Variants in EYA1 observed in about 807,000 individuals in gnomAD.
EYA1 encodes the protein protein phosphatase EYA1.
EYA1 carries 16 observed loss-of-function variants against 82.0 expected under a neutral mutation model. The observed-to-expected ratio is 0.20, with a 90% CI of 0.13 to 0.30. EYA1 has a LOEUF of 0.30. Among genes scored for constraint, EYA1 ranks in the 10% least tolerant of loss-of-function variants. The pLI, the probability that EYA1 is intolerant of heterozygous loss-of-function variation, is 1.00. For missense variants in EYA1, 633 were observed against 730.7 expected, an observed-to-expected ratio of 0.87 and a Z score of 1.54; for synonymous variants, 261 against 264.4, an observed-to-expected ratio of 0.99 and a Z score of 0.12.
chr8:71,297,322 T>C (rs1448871458), intron 9 of EYA1, among the ~76,000 whole-genome samples: 1 of 152,136 alleles, frequency 6.6e-6, no homozygotes, highest in Non-Finnish European at 1.5e-5. Flanking sequence ...CTTAGAACAA[T>C]GTCTGGTTTC....
Position 71,197,662 on chromosome 8 carries a change from T to C in EYA1, c.*1678A>G, listed in dbSNP as rs1433791847. The C allele has an allele frequency of 6.6e-6, 1 of 152,642 alleles. No individual in the cohort carries two copies. Among genetic ancestry groups the C allele is most frequent in the African/African-American group, 2.4e-5 (1 of 41,458 alleles). 9.5% of individuals were successfully genotyped at this position (152,642 alleles called of 1,614,324 possible). On this transcript the variant is annotated 3_prime_UTR_variant, in exon 18 of 18. Transcript: ENST00000340726. ...AATTCAATTGTGAATTTAAACAATT[T>C]GGATAATTCACAAATGACTATTTCT... is the stretch of plus-strand genomic sequence containing the variant.
At chr8:71,284,366 A>G (rs1438640368) in intron 9 of EYA1, among the ~76,000 whole-genome samples, 3 of 152,250 alleles carry the variant, frequency 2.0e-5, no homozygotes, top group East Asian at 1.9e-4. Flanking sequence ...CTTACAGGGC[A>G]TAACACAGAA....
chr8:71,383,202 C>A (rs1828806161), intron 2 of EYA1, among the ~76,000 whole-genome samples: 1 of 151,984 alleles, frequency 6.6e-6, no homozygotes, highest in African/African-American at 2.4e-5. Context: ...TAAACTCTGG[C>A]AATTCCAAAT....
intron 2 of EYA1, among the ~76,000 whole-genome samples, chr8:71,395,552 T>C (rs999108997): frequency 1.7e-4 from 26 of 152,230 alleles, no homozygotes; most frequent in African/African-American, 6.0e-4. Flanking sequence ...GAGATAATCA[T>C]GTGGTTTTTG....
intron 4 of EYA1, among the ~76,000 whole-genome samples, chr8:71,323,293 A>T (rs1464911200): frequency 6.6e-6 from 1 of 152,114 alleles, no homozygotes; most frequent in Non-Finnish European, 1.5e-5. Context: ...TTATTATAAG[A>T]TGTAATGTTT....
chr8:71,470,760 T>A, intron 2 of EYA1: 1 of 401,364 alleles, frequency 2.5e-6, no homozygotes, highest in African/African-American at 2.1e-5. Context: ...ACCGTAATGA[T>A]ATAACAGACT....
chr8:71,210,994 C>T (rs1808435614), intron 17 of EYA1, among the ~76,000 whole-genome samples, 162 bp downstream of exon 17: 1 of 152,250 alleles, frequency 6.6e-6, no homozygotes, highest in Admixed American at 6.5e-5. Context: ...AGAAAGATCA[C>T]TCCATATTTA....
chr8:71,376,242 C>G (rs143306335), intron 2 of EYA1, among the ~76,000 whole-genome samples: 4 of 151,880 alleles, frequency 2.6e-5, no homozygotes, highest in African/African-American at 9.7e-5. Flanking sequence ...ACAGCAAGTT[C>G]AAAGGGAGAA....
intron 2 of EYA1, among the ~76,000 whole-genome samples, chr8:71,356,134 A>G (rs1330038502): frequency 6.6e-6 from 1 of 152,190 alleles, no homozygotes; most frequent in African/African-American, 2.4e-5. Context: ...GAACCATTTT[A>G]CTTCTAAAGT....
At chr8:71,243,745 A>G (rs1326372097) in intron 12 of EYA1, among the ~76,000 whole-genome samples, 1 of 152,222 alleles carries the variant, frequency 6.6e-6, no homozygotes, top group Non-Finnish European at 1.5e-5. Flanking sequence ...ATCAGGAAAT[A>G]TTTAAAGGCC....
intron 3 of EYA1, among the ~76,000 whole-genome samples, chr8:71,346,180 A>G (rs753686346): frequency 1.3e-5 from 2 of 151,978 alleles, no homozygotes; most frequent in Non-Finnish European, 2.9e-5. Flanking sequence ...ACAATCCACA[A>G]TCACTTCAGT....
intron 2 of EYA1, among the ~76,000 whole-genome samples, chr8:71,490,516 G>A (rs2129223914): frequency 6.6e-6 from 1 of 152,086 alleles, no homozygotes; most frequent in African/African-American, 2.4e-5. Flanking sequence ...CAGATATAAA[G>A]ATATAAATGC....
chr8:71,399,780 A>C (rs1013010796), intron 2 of EYA1, among the ~76,000 whole-genome samples: 2 of 152,208 alleles, frequency 1.3e-5, no homozygotes, highest in Non-Finnish European at 2.9e-5. Context: ...AATGCTTCAC[A>C]GGATCAGAAA....
At chr8:71,421,402 A>G (rs937843038) in intron 2 of EYA1, among the ~76,000 whole-genome samples, 1 of 152,176 alleles carries the variant, frequency 6.6e-6, no homozygotes. Flanking sequence ...TGATTCGCTC[A>G]AGGCCATCCA....
intron 11 of EYA1, among the ~76,000 whole-genome samples, chr8:71,245,384 G>A (rs950874751): frequency 1.3e-5 from 2 of 151,792 alleles, no homozygotes; most frequent in African/African-American, 2.4e-5. Flanking sequence ...GCACCAACAC[G>A]ACCAGCTAAT....
intron 2 of EYA1, among the ~76,000 whole-genome samples, chr8:71,528,472 C>A (rs1414313818): frequency 6.6e-6 from 1 of 152,184 alleles, no homozygotes; most frequent in Non-Finnish European, 1.5e-5. Context: ...ACTTTGACGT[C>A]CAGTCTTTTT....
At chr8:71,206,904 C>CA (rs932669819) in intron 17 of EYA1, among the ~76,000 whole-genome samples, 4 of 150,362 alleles carry the variant, frequency 2.7e-5, no homozygotes, top group Non-Finnish European at 5.9e-5. Flanking sequence ...TACAGGCACC[C>CA]ACCACCACGC....
chr8:71,207,232 G>A (rs781474090), intron 17 of EYA1, among the ~76,000 whole-genome samples: 13 of 152,096 alleles, frequency 8.5e-5, no homozygotes, highest in Non-Finnish European at 1.6e-4. Context: ...CTACTTCTGT[G>A]CAGCACTCCA....
At chr8:71,233,102 C>T (rs1324098872) in intron 12 of EYA1, among the ~76,000 whole-genome samples, 2 of 152,258 alleles carry the variant, frequency 1.3e-5, no homozygotes, top group East Asian at 3.9e-4. Context: ...CAACACTGGG[C>T]TTTGAGTCAG....
Sources: gnomAD v4.1 joint callset for allele counts (sites outside exome capture counted in the v4.1 genomes callset) on GRCh38, gnomAD v4.1.1 for gene constraint, MANE v1.5 for transcripts, NCBI Gene and HGNC (gene_info 2026-07-23, HGNC 2026-07-21) for gene names.